Variants in FHIT observed in about 807,000 individuals in gnomAD.
FHIT encodes the protein fragile histidine triad diadenosine triphosphatase, also known as bis(5'-adenosyl)-triphosphatase.
FHIT carries 19 observed loss-of-function variants against 17.9 expected under a neutral mutation model. The ratio of observed to expected loss-of-function variants is 1.06; its 90% CI spans 0.74 to 1.56. FHIT has a LOEUF of 1.56. FHIT is among the 40% of genes most tolerant of loss of function. The probability of loss-of-function intolerance (pLI) is 0.00; values close to 1 mark genes in which losing one functional copy is unlikely to be tolerated. For synonymous variants in FHIT, 81 were observed against 69.7 expected (o/e 1.16, Z -0.81); for missense variants, 248 against 189.2 (o/e 1.31, Z -1.82).
intron 2 of FHIT, among the ~76,000 whole-genome samples, chr3:61,140,848 T>A (rs1046240757): frequency 4.6e-5 from 7 of 152,254 alleles, no homozygotes; most frequent in Admixed American, 6.5e-5. Context: ...AATGTCACTT[T>A]CTGCTTTAAT....
At chr3:60,249,614 T>C (rs1576368087) in intron 5 of FHIT, among the ~76,000 whole-genome samples, 1 of 150,470 alleles carries the variant, frequency 6.6e-6, no homozygotes, top group South Asian at 2.1e-4. Flanking sequence ...AAAGGCCCAG[T>C]GCCAGGAGTG....
intron 5 of FHIT, among the ~76,000 whole-genome samples, chr3:60,399,982 G>A (rs899352556): frequency 1.3e-5 from 2 of 152,142 alleles, no homozygotes; most frequent in Non-Finnish European, 1.5e-5. Flanking sequence ...CTAGTCTGAG[G>A]CAGTCAGTTC....
intron 5 of FHIT, among the ~76,000 whole-genome samples, chr3:60,365,608 C>T (rs1700076159): frequency 6.6e-6 from 1 of 152,122 alleles, no homozygotes; most frequent in Non-Finnish European, 1.5e-5. Flanking sequence ...AAGGATGTAT[C>T]ACAGTCATAG....
At chr3:60,903,095 C>A in intron 3 of FHIT, among the ~76,000 whole-genome samples, 1 of 151,800 alleles carries the variant, frequency 6.6e-6, no homozygotes, top group South Asian at 2.1e-4. Context: ...TCTTGAGAAT[C>A]AAAAAAACTA....
chr3:61,122,937 C>T (rs2036501029), intron 2 of FHIT, among the ~76,000 whole-genome samples: 1 of 152,186 alleles, frequency 6.6e-6, no homozygotes, highest in Non-Finnish European at 1.5e-5. Flanking sequence ...TTGTGGAAGA[C>T]AGTGTGGCGA....
intron 3 of FHIT, among the ~76,000 whole-genome samples, chr3:60,963,409 T>A (rs1553781858): frequency 6.6e-6 from 1 of 152,062 alleles, no homozygotes; most frequent in Non-Finnish European, 1.5e-5. Flanking sequence ...TTTTGAAGGG[T>A]TTTTTGTGTC....
intron 2 of FHIT, among the ~76,000 whole-genome samples, chr3:61,186,747 G>A (rs1244279026): frequency 2.0e-5 from 3 of 152,218 alleles, no homozygotes; most frequent in South Asian, 2.1e-4. Flanking sequence ...ACCTTTCATC[G>A]TTTTTGTCAC....
At chr3:60,565,892 G>A (rs571871299) in intron 4 of FHIT, among the ~76,000 whole-genome samples, 1 of 152,158 alleles carries the variant, frequency 6.6e-6, no homozygotes, top group African/African-American at 2.4e-5. Context: ...TCTCTTATGG[G>A]CATTTAGTGC....
intron 4 of FHIT, among the ~76,000 whole-genome samples, chr3:60,622,398 T>C (rs782006954): frequency 4.6e-5 from 7 of 152,098 alleles, no homozygotes; most frequent in African/African-American, 7.2e-5. Context: ...TGGTGCTCAG[T>C]TGCTTAGGAA....
At chr3:59,856,204 A>T (rs970790528) in intron 8 of FHIT, among the ~76,000 whole-genome samples, 2 of 152,220 alleles carry the variant, frequency 1.3e-5, no homozygotes, top group African/African-American at 4.8e-5. Flanking sequence ...AATTTTTAAA[A>T]ATTTAGATGA....
chr3:60,741,749 A>T (rs782467878), intron 4 of FHIT, among the ~76,000 whole-genome samples: 7 of 152,238 alleles, frequency 4.6e-5, no homozygotes, highest in Non-Finnish European at 1.0e-4. Context: ...CACTTTCTGT[A>T]GCCCTCAGGC....
At chr3:60,689,325 G>GA (rs1257077471) in intron 4 of FHIT, among the ~76,000 whole-genome samples, 39 of 149,550 alleles carry the variant, frequency 2.6e-4, no homozygotes, top group Admixed American at 8.6e-4. Context: ...ATACACTCAG[G>GA]AAAAAAAAAT....
intron 4 of FHIT, among the ~76,000 whole-genome samples, chr3:60,559,401 G>T (rs560517775): frequency 1.3e-5 from 2 of 152,156 alleles, no homozygotes; most frequent in Non-Finnish European, 2.9e-5. Flanking sequence ...GCTGTGGCAC[G>T]CACTCTCAGT....
At chr3:60,307,405 C>A (rs2106738668) in intron 5 of FHIT, among the ~76,000 whole-genome samples, 1 of 152,238 alleles carries the variant, frequency 6.6e-6, no homozygotes, top group Middle Eastern at 3.4e-3. Flanking sequence ...AGATAATATC[C>A]ACACAAGTCT....
intron 8 of FHIT, among the ~76,000 whole-genome samples, chr3:59,812,659 C>A (rs1205842776): frequency 1.3e-5 from 2 of 152,216 alleles, no homozygotes; most frequent in Non-Finnish European, 2.9e-5. Flanking sequence ...TATGGAAATT[C>A]ACTTTCCTGT....
chr3:59,941,659 C>T (rs1245618480), intron 7 of FHIT, among the ~76,000 whole-genome samples: 2 of 152,142 alleles, frequency 1.3e-5, no homozygotes, highest in Non-Finnish European at 2.9e-5. Flanking sequence ...TAGCGCATAA[C>T]ACTCAGAGCT....
rs1432975040 is a variant in FHIT, at chr3:60,234,751, A to T, written c.104-220599T>A. The stretch of plus-strand genomic sequence containing the variant: ...AGCTCTTCTTAATCTCAAAGATCCA[A>T]ACTGAGTTTACATTCCCCAGCCTTT... On this transcript the variant is annotated intron_variant, in intron 5 of 9. Coordinates refer to ENST00000492590, the MANE Select transcript of FHIT (RefSeq NM_002012.4). Among the ~76,000 whole-genome samples the T allele has an allele frequency of 4.6e-5, 7 of 152,250 alleles. No individual in the cohort carries two copies. The East Asian group carries it at 1.2e-3, about 25-fold the overall frequency.
At chr3:60,254,854 T>C (rs997666849) in intron 5 of FHIT, among the ~76,000 whole-genome samples, 1 of 152,202 alleles carries the variant, frequency 6.6e-6, no homozygotes, top group Admixed American at 6.5e-5. Context: ...ATTTTCCTAA[T>C]GGGAATATTT....
chr3:60,393,446 T>A lies in FHIT; in HGVS notation c.103+143414A>T, dbSNP rs868739698. 1.2e-4 allele frequency among the ~76,000 whole-genome samples: 18 copies of A among 150,096 alleles called. No homozygotes were observed. In the Middle Eastern group the frequency reaches 0.011, roughly 89 times the overall value. On this transcript the variant is annotated intron_variant, in intron 5 of 9. Coordinates refer to ENST00000492590, the MANE Select transcript of FHIT (RefSeq NM_002012.4). ...TAATTTTACATATAACTTATGTATA[T>A]AATTATATATAAATTTGCATGTAAT...
Sources: allele counts gnomAD v4.1 joint callset (sites outside exome capture counted in the v4.1 genomes callset), GRCh38; gene constraint gnomAD v4.1.1; transcripts MANE v1.5; gene names NCBI Gene and HGNC (gene_info 2026-07-23, HGNC 2026-07-21).